The following ZFYVE9 variants were observed in gnomAD, a reference collection of about 807,000 sequenced individuals.
ZFYVE9 encodes the protein zinc finger FYVE domain-containing protein 9.
A neutral mutation model predicts 126.7 loss-of-function variants in ZFYVE9; 43 were observed. The ratio of observed to expected loss-of-function variants is 0.34; its 90% CI spans 0.27 to 0.44. The LOEUF is 0.44. Ranked by LOEUF, ZFYVE9 falls within the 20% of genes least tolerant of loss-of-function variation. ZFYVE9 has a pLI of 1.00. For missense variants in ZFYVE9, 1,476 were observed against 1,697.0 expected (o/e 0.87, Z 2.29); for synonymous variants, 521 against 597.4 (o/e 0.87, Z 1.87).
intron 12 of ZFYVE9, among the ~76,000 whole-genome samples, chr1:52,297,975 A>G (rs905105419): frequency 5.3e-5 from 8 of 152,078 alleles, no homozygotes; most frequent in African/African-American, 1.9e-4. Flanking sequence ...CAGCCTCCCA[A>G]AGTGCCTTTT....
At chr1:52,159,322 G>A in intron 1 of ZFYVE9, among the ~76,000 whole-genome samples, 1 of 152,140 alleles carries the variant, frequency 6.6e-6, no homozygotes, top group East Asian at 1.9e-4. Flanking sequence ...TGCTTTCTTA[G>A]TCAATTTCTG....
intron 13 of ZFYVE9, among the ~76,000 whole-genome samples, chr1:52,307,774 C>T (rs1162019156): frequency 4.1e-5 from 6 of 144,852 alleles, no homozygotes; most frequent in African/African-American, 1.3e-4. Context: ...TTTTCTGATA[C>T]GGAGTCTTGC....
At chr1:52,180,782 C>T (rs1318806507) in intron 1 of ZFYVE9, among the ~76,000 whole-genome samples, 1 of 151,642 alleles carries the variant, frequency 6.6e-6, no homozygotes, top group African/African-American at 2.4e-5. Flanking sequence ...TCGATACCAG[C>T]CTTACCAACA....
chr1:52,157,793 T>A (rs564207271), intron 1 of ZFYVE9, among the ~76,000 whole-genome samples: 20 of 151,998 alleles, frequency 1.3e-4, no homozygotes, highest in Non-Finnish European at 2.5e-4. Flanking sequence ...ATGGTAAGAG[T>A]TCACTAGCTT....
chr1:52,342,354 C>T (rs949664806), intron 17 of ZFYVE9, among the ~76,000 whole-genome samples: 3 of 151,590 alleles, frequency 2.0e-5, no homozygotes, highest in Non-Finnish European at 4.4e-5. Context: ...CAAGCTCCGC[C>T]TCCCGGGTAC....
At chr1:52,244,938 G>A (rs920521484) in intron 4 of ZFYVE9, among the ~76,000 whole-genome samples, 1 of 152,046 alleles carries the variant, frequency 6.6e-6, no homozygotes, top group Non-Finnish European at 1.5e-5. Flanking sequence ...CAAGTGGATA[G>A]CTTGAGATCA....
intron 1 of ZFYVE9, among the ~76,000 whole-genome samples, chr1:52,148,288 A>C (rs924979269): frequency 1.3e-5 from 2 of 151,908 alleles, no homozygotes; most frequent in Non-Finnish European, 2.9e-5. Flanking sequence ...CAGCCTGGCC[A>C]ATATGGTGAA....
chr1:52,185,746 A>G (rs1202161297), intron 1 of ZFYVE9, among the ~76,000 whole-genome samples: 5 of 151,970 alleles, frequency 3.3e-5, no homozygotes, highest in Non-Finnish European at 7.4e-5. Context: ...ACATGGTGAA[A>G]CCCCATCTCT....
chr1:52,226,786 G>T (rs998141266), intron 2 of ZFYVE9, among the ~76,000 whole-genome samples: 2 of 152,214 alleles, frequency 1.3e-5, no homozygotes, highest in Non-Finnish European at 2.9e-5. Flanking sequence ...GCAAAGGCAG[G>T]ACTACTGGAA....
At chr1:52,211,238 G>T (rs1645025802) in intron 1 of ZFYVE9, among the ~76,000 whole-genome samples, 1 of 152,080 alleles carries the variant, frequency 6.6e-6, no homozygotes, top group Admixed American at 6.6e-5. Flanking sequence ...TGTCTGCCCA[G>T]GTTTAGAGGA....
At chr1:52,267,176 G>C (rs1359288233) in intron 6 of ZFYVE9, among the ~76,000 whole-genome samples, 1 of 152,116 alleles carries the variant, frequency 6.6e-6, no homozygotes, top group African/African-American at 2.4e-5. Flanking sequence ...AATGTTCTTT[G>C]TAGGAGTTTA....
At chr1:52,258,249 T>C (rs1469281303) in intron 4 of ZFYVE9, among the ~76,000 whole-genome samples, 1 of 152,142 alleles carries the variant, frequency 6.6e-6, no homozygotes, top group East Asian at 1.9e-4. Flanking sequence ...TATGGTAAGA[T>C]ATTTCAGCAG....
At chr1:52,310,018 G>A (rs986054000) in intron 13 of ZFYVE9, among the ~76,000 whole-genome samples, 4 of 152,104 alleles carry the variant, frequency 2.6e-5, no homozygotes, top group African/African-American at 9.7e-5. Flanking sequence ...TGCCCAGCTG[G>A]AGTACAGTGG....
rs1168051378 is a variant in ZFYVE9 at position 52,146,027 on chromosome 1, CCACACACA to C, written c.-143+3647_-143+3654del. Among the ~76,000 whole-genome samples the C allele has an allele frequency of 8.9e-5, 13 of 146,290 alleles. No individual in the cohort carries two copies. In the South Asian group the frequency reaches 2.2e-3, roughly 25 times the overall value. On this transcript the variant is annotated intron_variant, in intron 1 of 18. Transcript: ENST00000287727. ...CCTCCCAGCCAAGGCTCAAAAATAT[CCACACACA>C]CACACACACACACACACACACAAAA...
At chr1:52,269,667 AT>A (rs1645669551) in intron 7 of ZFYVE9, among the ~76,000 whole-genome samples, 1 of 151,820 alleles carries the variant, frequency 6.6e-6, no homozygotes, top group Admixed American at 6.6e-5. Flanking sequence ...TAGTTTTTGA[AT>A]TTTTCTGTGG....
At chr1:52,165,871 G>A (rs1276216696) in intron 1 of ZFYVE9, among the ~76,000 whole-genome samples, 1 of 152,174 alleles carries the variant, frequency 6.6e-6, no homozygotes, top group Non-Finnish European at 1.5e-5. Flanking sequence ...TTGTCTTCTA[G>A]ACTGTGTCAT....
chr1:52,165,227 C>G (rs1170252027), intron 1 of ZFYVE9, among the ~76,000 whole-genome samples: 2 of 151,916 alleles, frequency 1.3e-5, no homozygotes, highest in African/African-American at 4.8e-5. Flanking sequence ...TCATATCAGA[C>G]TTAGTGGTGA....
At chr1:52,234,848 CTT>C (rs1481297115) in intron 3 of ZFYVE9, among the ~76,000 whole-genome samples, 1 of 152,112 alleles carries the variant, frequency 6.6e-6, no homozygotes, top group Non-Finnish European at 1.5e-5. Context: ...TTTTCTTAAT[CTT>C]TTATTTGATT....
intron 15 of ZFYVE9, among the ~76,000 whole-genome samples, chr1:52,335,947 G>A (rs1443311532): frequency 3.3e-5 from 5 of 151,960 alleles, no homozygotes; most frequent in African/African-American, 4.8e-5. Context: ...CAGCCTGGCC[G>A]ACATGGTGAA....
Sources: allele counts gnomAD v4.1 joint callset (sites outside exome capture counted in the v4.1 genomes callset), GRCh38; gene constraint gnomAD v4.1.1; transcripts MANE v1.5; gene names NCBI Gene and HGNC (gene_info 2026-07-23, HGNC 2026-07-21).